SLC2A9: variants seen among roughly 807,000 people sequenced by gnomAD.
SLC2A9 encodes the protein solute carrier family 2, facilitated glucose transporter member 9.
In SLC2A9, 39 loss-of-function variants were observed where a neutral mutation model predicts 50.6. That is an observed-to-expected ratio of 0.77 (90% CI 0.60 to 1.01). The LOEUF (loss-of-function observed/expected upper bound fraction) is 1.01, where lower values mean the gene tolerates loss of function less well. SLC2A9 is among the 50% of genes least tolerant of loss of function. The pLI is 0.00. For missense variants in SLC2A9, 686 were observed against 677.6 expected (o/e 1.01, Z -0.14); for synonymous variants, 324 against 276.9 (o/e 1.17, Z -1.69).
intron 1 of SLC2A9, among the ~76,000 whole-genome samples, chr4:10,037,167 G>C (rs1764132965): frequency 1.3e-5 from 2 of 152,120 alleles, no homozygotes; most frequent in Admixed American, 6.6e-5. Context: ...ACGGTTTTTA[G>C]TACCCTCACA....
intron 3 of SLC2A9, among the ~76,000 whole-genome samples, chr4:9,802,146 C>T (rs750091506): frequency 4.6e-5 from 7 of 152,220 alleles, no homozygotes; most frequent in Non-Finnish European, 7.4e-5. Flanking sequence ...CTTGTTTACT[C>T]GGTACCGAAC....
intron 5 of SLC2A9, among the ~76,000 whole-genome samples, chr4:9,942,511 T>C (rs1388530418): frequency 1.3e-5 from 2 of 152,156 alleles, no homozygotes; most frequent in African/African-American, 4.8e-5. Flanking sequence ...CTCTGTCTTC[T>C]CAGTGAGGAC....
chr4:9,982,484 TA>T (rs1756048572), intron 4 of SLC2A9, among the ~76,000 whole-genome samples: 1 of 152,196 alleles, frequency 6.6e-6, no homozygotes, highest in Non-Finnish European at 1.5e-5. Context: ...TGTGGTTTTG[TA>T]AAAGGTCCAT....
At chr4:9,790,772 T>A (rs549744110) in intron 3 of SLC2A9, among the ~76,000 whole-genome samples, 109 of 152,306 alleles carry the variant, frequency 7.2e-4, no homozygotes, top group Admixed American at 2.0e-3. Context: ...TTCACTTTTT[T>A]AAAAAAATTG....
chr4:9,864,068 G>C (rs1732068296), intron 10 of SLC2A9, among the ~76,000 whole-genome samples: 1 of 152,026 alleles, frequency 6.6e-6, no homozygotes, highest in African/African-American at 2.4e-5. Context: ...GGCTTCCCAA[G>C]ACCATGCTTC....
At chr4:9,979,494 G>A (rs762708583) in intron 5 of SLC2A9, among the ~76,000 whole-genome samples, 2 of 151,998 alleles carry the variant, frequency 1.3e-5, no homozygotes, top group African/African-American at 2.4e-5. Flanking sequence ...GGAAGGCAGC[G>A]CCCCTGCATC....
In SLC2A9 at chr4:9,984,112, T is replaced by A. The variant is rs369965226; in HGVS notation, c.535+1557A>T. Reference sequence around the variant, plus strand: ...ATAGCCATCAATAGAAGGAGTCTATTCAAGTAGTATAGACAAATGAATAGA... The same window carrying A: ...ATAGCCATCAATAGAAGGAGTCTATACAAGTAGTATAGACAAATGAATAGA... On this transcript the variant is annotated intron_variant, in intron 4 of 11. Transcript: ENST00000264784. Among the ~76,000 whole-genome samples the A allele has an allele frequency of 5.9e-5, 9 of 152,338 alleles. No individual in the cohort carries two copies. In the South Asian group the frequency reaches 6.2e-4, roughly 11 times the overall value.
chr4:9,826,502 G>A lies in SLC2A9; in HGVS notation c.1518C>T (p.Thr506=), dbSNP rs771866622. The A allele has an allele frequency of 6.2e-7, 1 of 1,614,016 alleles. No homozygotes were observed. The highest frequency in any genetic ancestry group is 1.1e-5 in the South Asian group (1 of 91,068). The change falls in exon 12 of 12, where the codon ACC becomes ACT. Residue 506 remains threonine, a synonymous_variant. Transcript: ENST00000264784. ...AAAATGCCTGGCTGATTTCTGCATA[G>A]GTTCTGTTTTTGGTCTCAGGCAGCA... ...YFVLPETKNR[T]YAEISQAFSK...
At chr4:9,923,474 G>A (rs953586019) in intron 6 of SLC2A9, among the ~76,000 whole-genome samples, 2 of 152,188 alleles carry the variant, frequency 1.3e-5, no homozygotes, top group African/African-American at 4.8e-5. Context: ...TTGTGCAGCT[G>A]CTGGCACCCA....
intron 5 of SLC2A9, among the ~76,000 whole-genome samples, chr4:9,974,722 A>T (rs1471275979): frequency 3.3e-5 from 5 of 152,128 alleles, no homozygotes. Flanking sequence ...CAAGCTACCA[A>T]TGTCATTTTC....
intron 1 of SLC2A9, chr4:10,035,808 T>C: frequency 6.6e-6 from 1 of 152,548 alleles, no homozygotes; most frequent in Non-Finnish European, 1.5e-5. Context: ...TTTCTCTGTC[T>C]GTCTCTCTCC....
intron 7 of SLC2A9, among the ~76,000 whole-genome samples, chr4:9,914,690 AC>A (rs1312882139): frequency 1.3e-5 from 2 of 151,774 alleles, no homozygotes; most frequent in Non-Finnish European, 2.9e-5. Flanking sequence ...AAGGGATTTG[AC>A]CCCAGCAATT....
intron 6 of SLC2A9, among the ~76,000 whole-genome samples, chr4:9,931,913 ACTCTCTCTCTCTCTCT>A (rs1163786274): frequency 2.8e-3 from 44 of 15,672 alleles, no homozygotes; most frequent in South Asian, 6.7e-3. Context: ...AATGAGAATG[ACTCTCTCTCTCTCTCT>A]CTCTCTCTCT....
At chr4:9,974,520 C>CAAA (rs34012301) in intron 5 of SLC2A9, among the ~76,000 whole-genome samples, 1 of 144,584 alleles carries the variant, frequency 6.9e-6, no homozygotes. Flanking sequence ...TAATAGCTGC[C>CAAA]AAAAAAAAAA....
intron 10 of SLC2A9, among the ~76,000 whole-genome samples, chr4:9,851,248 A>G (rs373445055): frequency 7.2e-5 from 11 of 152,258 alleles, no homozygotes; most frequent in African/African-American, 2.6e-4. Flanking sequence ...GGGGCCAGAG[A>G]ACAAATCTAG....
chr4:10,011,437 C>A (rs1761746578), intron 2 of SLC2A9, among the ~76,000 whole-genome samples: 1 of 152,232 alleles, frequency 6.6e-6, no homozygotes, highest in African/African-American at 2.4e-5. Flanking sequence ...TTCAGCACAA[C>A]TCTGGCAATC....
intron 11 of SLC2A9, among the ~76,000 whole-genome samples, chr4:9,834,190 T>C (rs1452818449): frequency 6.6e-6 from 1 of 152,212 alleles, no homozygotes. Flanking sequence ...GTCACCTCCT[T>C]CCAGAGCCCT....
At chr4:10,027,275 G>A (rs1763786152) in intron 1 of SLC2A9, among the ~76,000 whole-genome samples, 1 of 152,164 alleles carries the variant, frequency 6.6e-6, no homozygotes, top group South Asian at 2.1e-4. Flanking sequence ...GTACAAGAAT[G>A]TGAATGTAGG....
At chr4:9,779,059 C>A (rs1332781910), downstream of SLC2A9, among the ~76,000 whole-genome samples, 2 of 152,174 alleles carry the variant, frequency 1.3e-5, no homozygotes, top group Admixed American at 6.5e-5. Context: ...AGCCACCACA[C>A]CTGGCTGGTC....
Sources: gnomAD v4.1 joint callset for allele counts (sites outside exome capture counted in the v4.1 genomes callset) on GRCh38, gnomAD v4.1.1 for gene constraint, MANE v1.5 for transcripts, NCBI Gene and HGNC (gene_info 2026-07-23, HGNC 2026-07-21) for gene names.